GTF2H3: variants seen among roughly 807,000 people sequenced by gnomAD.
GTF2H3 encodes general transcription factor IIH subunit 3.
In GTF2H3, 42 loss-of-function variants were observed where a neutral mutation model predicts 51.1. The observed-to-expected ratio is 0.82, with a 90% CI of 0.64 to 1.06. The LOEUF (loss-of-function observed/expected upper bound fraction) is 1.06. GTF2H3 is among the 50% of genes least tolerant of loss of function. The pLI is 0.00. For missense variants in GTF2H3, 326 were observed against 366.1 expected (o/e 0.89, Z 0.89); for synonymous variants, 123 against 123.8 (o/e 0.99, Z 0.04).
chr12:123,634,632 C>CT (rs1955248111), intron 1 of GTF2H3, among the ~76,000 whole-genome samples: 2 of 152,092 alleles, frequency 1.3e-5, no homozygotes, highest in Non-Finnish European at 2.9e-5. Flanking sequence ...GGGAAGTGCA[C>CT]TTTAAGTGCA....
Position 123,636,573 on chromosome 12 carries a change from C to T in GTF2H3, c.14-2691C>T, listed in dbSNP as rs187443398. Among the ~76,000 whole-genome samples, 252 of 152,292 alleles carry T rather than the reference C, an allele frequency of 1.7e-3. 2 individuals carry two copies. Among genetic ancestry groups the T allele is most frequent in the Non-Finnish European group, 1.8e-3 (119 of 68,000 alleles). ...GGAGGATCACTTGAGCCCAGGAGTTCGAGACCAGCCTAGGCAACAAAGTGA... is the reference window on the plus strand; with the variant it reads ...GGAGGATCACTTGAGCCCAGGAGTTTGAGACCAGCCTAGGCAACAAAGTGA... On this transcript the variant is annotated intron_variant, in intron 1 of 12. Transcript: ENST00000543341.
chr12:123,648,670 T>C (rs1434421013), intron 4 of GTF2H3, among the ~76,000 whole-genome samples: 1 of 152,192 alleles, frequency 6.6e-6, no homozygotes, highest in Non-Finnish European at 1.5e-5. Context: ...CCTATTTCTG[T>C]CAGCTCCCAT....
At chr12:123,648,238 C>A in intron 4 of GTF2H3, 112 bp downstream of exon 4, 2 of 675,780 alleles carry the variant, frequency 3.0e-6, no homozygotes, top group Non-Finnish European at 4.8e-6. Flanking sequence ...CACGTTCTCA[C>A]TTTTTAAAAA....
Position 123,652,699 on chromosome 12 carries a change from C to G in GTF2H3, c.458-8C>G, listed in dbSNP as rs1566231384. ...GTTAAATTTTTTTCTGCTTTTTTCTCTTTGTAGACAATCAGGAAATGAAAT... is the reference window on the plus strand; with the variant it reads ...GTTAAATTTTTTTCTGCTTTTTTCTGTTTGTAGACAATCAGGAAATGAAAT... On this transcript the variant is annotated splice_polypyrimidine_tract_variant and splice_region_variant and intron_variant, in intron 6 of 12. Coordinates refer to ENST00000543341, the MANE Select transcript of GTF2H3 (RefSeq NM_001516.5). The G allele has an allele frequency of 2.0e-6, 3 of 1,528,176 alleles. No individual in the cohort carries two copies. Among genetic ancestry groups the G allele is most frequent in the African/African-American group, 1.4e-5 (1 of 71,562 alleles). The allele number at this position is 1,528,176 out of a possible 1,614,324, so 94.7% of individuals were successfully genotyped here.
intron 4 of GTF2H3, 51 bp downstream of exon 4, chr12:123,648,177 T>C (rs751802635): frequency 1.6e-6 from 2 of 1,236,970 alleles, no homozygotes; most frequent in Non-Finnish European, 2.3e-6. Context: ...ATTTTGGAGG[T>C]CCTTTAGGCT....
rs756233509 is a variant in GTF2H3, at chr12:123,645,586, C to T, written c.200+25C>T. On this transcript the variant is annotated intron_variant, in intron 3 of 12. Transcript: ENST00000543341. ...GGTATGACCATTGTGATTGCTTTTG[C>T]TCTTCAGTGCTTAATATTCATGAGT... is the stretch of plus-strand genomic sequence containing the variant. 2.6e-6 allele frequency: 3 copies of T among 1,133,242 alleles called. No homozygotes were observed. In the South Asian group the frequency reaches 3.7e-5, roughly 14 times the overall value. The allele number at this position is 1,133,242 out of a possible 1,614,324, so 70.2% of individuals were successfully genotyped here.
chr12:123,638,038 C>T (rs1423908545), intron 1 of GTF2H3, among the ~76,000 whole-genome samples: 1 of 152,060 alleles, frequency 6.6e-6, no homozygotes, highest in African/African-American at 2.4e-5. Flanking sequence ...CATTCTGTCT[C>T]CCAGGCTGGA....
At chr12:123,655,478 T>C (rs1955575026) in intron 8 of GTF2H3, 1 of 367,266 alleles carries the variant, frequency 2.7e-6, no homozygotes, top group African/African-American at 2.1e-5. Context: ...AATGCTGCTA[T>C]AGCCATGCAT....
chr12:123,658,462 C>T (rs978262132), intron 9 of GTF2H3, among the ~76,000 whole-genome samples: 7 of 151,984 alleles, frequency 4.6e-5, no homozygotes, highest in South Asian at 2.1e-4. Context: ...TCAAGTGATC[C>T]GCGATTACAG....
chr12:123,655,051 T>G (rs1288685840), intron 8 of GTF2H3, 53 bp downstream of exon 8: 4 of 1,382,440 alleles, frequency 2.9e-6, no homozygotes, highest in Non-Finnish European at 4.1e-6. Flanking sequence ...AAGGAGTCAA[T>G]TTCATTTTTT....
chr12:123,644,198 A>G (rs994146783), intron 2 of GTF2H3, among the ~76,000 whole-genome samples: 1 of 152,134 alleles, frequency 6.6e-6, no homozygotes, highest in Non-Finnish European at 1.5e-5. Context: ...GAAAATATCT[A>G]CTTATGAAGA....
At position 123,641,532 on chromosome 12, in the gene GTF2H3, T is replaced by TTG. The variant is rs1325105003; in HGVS notation, c.93+2190_93+2191insGT. 3.9e-4 allele frequency among the ~76,000 whole-genome samples: 56 copies of TTG among 143,970 alleles called. 1 individual carries two copies. The highest frequency in any genetic ancestry group is 1.0e-3 in the African/African-American group (36 of 34,988). The allele number at this position is 143,970 out of a possible 152,430, so 94.4% of individuals were successfully genotyped here. A position where few individuals can be genotyped will look rare whatever the true frequency, so the allele number is the denominator to read the frequency against. On this transcript the variant is annotated intron_variant, in intron 2 of 12. Transcript: ENST00000543341. The stretch of plus-strand genomic sequence containing the variant: ...TGAGCCACGTGTCTGCCCCCGTTTT[T>TTG]TTTTTTGTGTGTTTTTTTTTTGAGA...
intron 3 of GTF2H3, 62 bp from the exon 4 acceptor site, chr12:123,647,901 A>G (rs1241302923): frequency 8.0e-7 from 1 of 1,244,608 alleles, no homozygotes; most frequent in African/African-American, 1.5e-5. Context: ...TTTCATTCTG[A>G]TCATGAGTGA....
intron 1 of GTF2H3, among the ~76,000 whole-genome samples, chr12:123,638,743 G>T (rs1185745270): frequency 6.6e-6 from 1 of 151,412 alleles, no homozygotes; most frequent in Non-Finnish European, 1.5e-5. Context: ...GAGATATAGT[G>T]GTTCAGGACG....
At chr12:123,643,012 C>T (rs1384477718) in intron 2 of GTF2H3, among the ~76,000 whole-genome samples, 2 of 152,172 alleles carry the variant, frequency 1.3e-5, no homozygotes, top group Non-Finnish European at 2.9e-5. Flanking sequence ...GCTGGGACTA[C>T]AGGCACACGT....
At position 123,662,229 on chromosome 12, in the gene GTF2H3, G is replaced by C. The variant is rs531475562; in HGVS notation, c.*1994G>C. 1 of 151,076 alleles carries C rather than the reference G, an allele frequency of 6.6e-6. No homozygotes were observed. The highest frequency in any genetic ancestry group is 2.1e-4 in the South Asian group (1 of 4,780). 9.4% of individuals were successfully genotyped at this position (151,076 alleles called of 1,614,324 possible). A position where few individuals can be genotyped will look rare whatever the true frequency, so the allele number is the denominator to read the frequency against. ...AGATTTTAATTTTCTCTTTATACAA[G>C]CTGAGTCATATTTAAATAATTTGAT... On this transcript the variant is annotated 3_prime_UTR_variant, in exon 13 of 13. Coordinates refer to ENST00000543341, the MANE Select transcript of GTF2H3 (RefSeq NM_001516.5).
intron 1 of GTF2H3, among the ~76,000 whole-genome samples, chr12:123,637,968 GA>G (rs777400127): frequency 1.3e-5 from 2 of 151,732 alleles, no homozygotes; most frequent in South Asian, 4.2e-4. Flanking sequence ...CAGGCATTCA[GA>G]ATGCAGTAGG....
intron 2 of GTF2H3, among the ~76,000 whole-genome samples, chr12:123,639,601 A>G (rs1015926205): frequency 1.3e-4 from 20 of 152,316 alleles, no homozygotes; most frequent in Admixed American, 9.2e-4. Context: ...CCAAGCTGCA[A>G]GCAACCACTG....
intron 4 of GTF2H3, 85 bp from the exon 5 acceptor site, chr12:123,650,909 C>CT (rs1305363529): frequency 1.5e-5 from 12 of 802,366 alleles, no homozygotes; most frequent in Non-Finnish European, 2.6e-5. Flanking sequence ...GGTGTGAAAG[C>CT]ATACTTAGTT....
Sources: gnomAD v4.1 joint callset for allele counts (sites outside exome capture counted in the v4.1 genomes callset) on GRCh38, gnomAD v4.1.1 for gene constraint, MANE v1.5 for transcripts, NCBI Gene and HGNC (gene_info 2026-07-23, HGNC 2026-07-21) for gene names.